Variants in ALK observed in about 807,000 individuals in gnomAD.
ALK encodes the protein ALK tyrosine kinase receptor.
A neutral mutation model predicts 163.1 loss-of-function variants in ALK; 74 were observed. The observed-to-expected ratio is 0.45, with a 90% CI of 0.38 to 0.55. The LOEUF is 0.55. ALK is among the 20% of genes least tolerant of loss of function. The pLI, the probability that ALK is intolerant of heterozygous loss-of-function variation, is 0.00. For synonymous variants in ALK, 960 were observed against 843.2 expected (o/e 1.14, Z -2.40); for missense variants, 2,063 against 2,105.3 (o/e 0.98, Z 0.39).
intron 3 of ALK, among the ~76,000 whole-genome samples, chr2:29,575,327 G>A (rs529699754): frequency 6.6e-6 from 1 of 152,150 alleles, no homozygotes; most frequent in African/African-American, 2.4e-5. Flanking sequence ...CTTATTTTAT[G>A]GAAAGCTGCG....
intron 3 of ALK, among the ~76,000 whole-genome samples, chr2:29,561,427 G>T (rs1251346368): frequency 6.6e-6 from 1 of 152,176 alleles, no homozygotes; most frequent in Non-Finnish European, 1.5e-5. Context: ...ATTGGAGGAG[G>T]GGTGTTGGGC....
intron 3 of ALK, among the ~76,000 whole-genome samples, chr2:29,648,928 G>A (rs932022159): frequency 2.6e-5 from 4 of 152,086 alleles, no homozygotes; most frequent in African/African-American, 9.7e-5. Context: ...GTTTGGCTGG[G>A]TATGGAATTC....
At chr2:29,490,665 T>C (rs1450753781) in intron 4 of ALK, among the ~76,000 whole-genome samples, 1 of 152,198 alleles carries the variant, frequency 6.6e-6, no homozygotes, top group African/African-American at 2.4e-5. Context: ...ACGGGCCTCT[T>C]TGGCAGACTG....
intron 3 of ALK, among the ~76,000 whole-genome samples, chr2:29,662,411 A>G (rs542388451): frequency 3.2e-4 from 49 of 152,160 alleles, no homozygotes; most frequent in African/African-American, 1.2e-3. Flanking sequence ...ATTTGACCCA[A>G]TTTCCTGTAT....
At chr2:29,582,456 G>A (rs992483958) in intron 3 of ALK, among the ~76,000 whole-genome samples, 9 of 152,148 alleles carry the variant, frequency 5.9e-5, no homozygotes, top group Admixed American at 2.6e-4. Flanking sequence ...TTGGGGTCTC[G>A]GGATTGGGTG....
intron 4 of ALK, among the ~76,000 whole-genome samples, chr2:29,528,227 T>C (rs189022124): frequency 3.9e-5 from 6 of 152,328 alleles, no homozygotes; most frequent in Non-Finnish European, 7.4e-5. Flanking sequence ...GAAAAAGTCA[T>C]GTGCTTCGAA....
intron 1 of ALK, among the ~76,000 whole-genome samples, chr2:29,919,741 G>A (rs1462069662): frequency 6.6e-6 from 1 of 152,152 alleles, no homozygotes; most frequent in African/African-American, 2.4e-5. Context: ...AGAGAAGAAG[G>A]CGCTCTGCCA....
intron 5 of ALK, among the ~76,000 whole-genome samples, chr2:29,346,464 G>A (rs1166594088): frequency 1.3e-5 from 2 of 152,162 alleles, no homozygotes; most frequent in East Asian, 3.9e-4. Flanking sequence ...CCCAGGCCTG[G>A]GCCACCAAGC....
At chr2:29,772,547 A>G (rs1164621689) in intron 1 of ALK, among the ~76,000 whole-genome samples, 2 of 152,182 alleles carry the variant, frequency 1.3e-5, no homozygotes, top group African/African-American at 2.4e-5. Context: ...CTTCCTCACC[A>G]TAGTGGGAAT....
chr2:29,826,583 C>A (rs1384784127), intron 1 of ALK, among the ~76,000 whole-genome samples: 1 of 152,102 alleles, frequency 6.6e-6, no homozygotes, highest in Non-Finnish European at 1.5e-5. Flanking sequence ...GTTTATGCAA[C>A]TCTTTCTGTG....
intron 1 of ALK, among the ~76,000 whole-genome samples, chr2:29,894,075 T>C (rs1456858592): frequency 6.6e-6 from 1 of 152,162 alleles, no homozygotes; most frequent in Non-Finnish European, 1.5e-5. Flanking sequence ...TAAGTGCTCA[T>C]AAACTTTCAA....
intron 5 of ALK, among the ~76,000 whole-genome samples, chr2:29,336,161 AG>A (rs1667607239): frequency 6.6e-6 from 1 of 152,212 alleles, no homozygotes; most frequent in Non-Finnish European, 1.5e-5. Flanking sequence ...CCTCTGTATC[AG>A]GGATGGGTTC....
chr2:29,242,769 A>C (rs1664557301), intron 12 of ALK, among the ~76,000 whole-genome samples: 1 of 152,254 alleles, frequency 6.6e-6, no homozygotes, highest in Non-Finnish European at 1.5e-5. Context: ...AGAAGACTGC[A>C]AACCCATGCA....
At chr2:29,532,946 T>C (rs1673159195) in intron 3 of ALK, among the ~76,000 whole-genome samples, 1 of 152,208 alleles carries the variant, frequency 6.6e-6, no homozygotes, top group Non-Finnish European at 1.5e-5. Flanking sequence ...AAACTACTCC[T>C]GGCACTTCCA....
intron 4 of ALK, among the ~76,000 whole-genome samples, chr2:29,514,197 A>G (rs550928763): frequency 1.4e-5 from 2 of 147,136 alleles, no homozygotes; most frequent in East Asian, 4.0e-4. Flanking sequence ...AGACACATGC[A>G]CACGTATGTT....
At chr2:29,873,000 G>C (rs972493278) in intron 1 of ALK, among the ~76,000 whole-genome samples, 1 of 152,224 alleles carries the variant, frequency 6.6e-6, no homozygotes, top group African/African-American at 2.4e-5. Context: ...CCTCGGAAGA[G>C]TTCCAGGGAA....
At chr2:29,665,346 C>T (rs541854650) in intron 3 of ALK, among the ~76,000 whole-genome samples, 1 of 152,002 alleles carries the variant, frequency 6.6e-6, no homozygotes. Flanking sequence ...CCCGCTTTTC[C>T]CTATCTGATG....
chr2:29,755,122 G>C (rs2148333344), intron 1 of ALK, among the ~76,000 whole-genome samples: 1 of 152,338 alleles, frequency 6.6e-6, no homozygotes, highest in South Asian at 2.1e-4. Flanking sequence ...TGACAGTAGG[G>C]GGTCAGTGAG....
rs192580897 is a variant in ALK at position 29,581,073 on chromosome 2, C to T, written c.953-48957G>A. 1.1e-4 allele frequency among the ~76,000 whole-genome samples: 16 copies of T among 152,276 alleles called. No individual in the cohort carries two copies. In the East Asian group the frequency reaches 2.9e-3, roughly 28 times the overall value. Reference sequence around the variant, plus strand: ...TCAAGATTCCTTTCCAAGAAGTTGTCACACATGTTTCAGAGACAGAAATAG... The same window carrying T: ...TCAAGATTCCTTTCCAAGAAGTTGTTACACATGTTTCAGAGACAGAAATAG... On this transcript the variant is annotated intron_variant, in intron 3 of 28. Transcript: ENST00000389048.
Sources: allele counts gnomAD v4.1 joint callset (sites outside exome capture counted in the v4.1 genomes callset), GRCh38; gene constraint gnomAD v4.1.1; transcripts MANE v1.5; gene names NCBI Gene and HGNC (gene_info 2026-07-23, HGNC 2026-07-21).